MARK3: variants seen among roughly 807,000 people sequenced by gnomAD.
MARK3 encodes microtubule affinity regulating kinase 3.
Under a neutral mutation model 90.1 loss-of-function variants are expected in MARK3, and 46 were observed. That is an observed-to-expected ratio of 0.51 (90% CI 0.40 to 0.65). MARK3 has a LOEUF of 0.65. MARK3 is among the 30% of genes least tolerant of loss of function. The pLI, the probability that MARK3 is intolerant of heterozygous loss-of-function variation, is 0.00. For synonymous variants in MARK3, 321 were observed against 332.6 expected (o/e 0.97, Z 0.38); for missense variants, 818 against 947.2 (o/e 0.86, Z 1.79).
At chr14:103,429,302 G>A (rs890881032) in intron 3 of MARK3, 4 of 152,178 alleles carry the variant, frequency 2.6e-5, no homozygotes, top group African/African-American at 9.7e-5. Flanking sequence ...CCTTGAGCAA[G>A]GCACTTAACT....
At chr14:103,479,194 CTGTT>C (rs904222565) in intron 13 of MARK3, among the ~76,000 whole-genome samples, 1 of 151,820 alleles carries the variant, frequency 6.6e-6, no homozygotes, top group Non-Finnish European at 1.5e-5. Flanking sequence ...CTTATTTTTT[CTGTT>C]TGTTTGTTGT....
chr14:103,414,283 G>A (rs997356265), intron 2 of MARK3, among the ~76,000 whole-genome samples: 8 of 149,664 alleles, frequency 5.3e-5, no homozygotes, highest in South Asian at 2.1e-4. Context: ...TCAGCTCACC[G>A]CAACCTCCAC....
intron 17 of MARK3, among the ~76,000 whole-genome samples, chr14:103,501,719 C>T (rs950361182): frequency 6.6e-6 from 1 of 152,064 alleles, no homozygotes; most frequent in Non-Finnish European, 1.5e-5. Context: ...AGATGGCCAG[C>T]CTTTCCTGTG....
chr14:103,450,918 A>ATT (rs1566866017), intron 4 of MARK3, among the ~76,000 whole-genome samples: 2 of 29,718 alleles, frequency 6.7e-5, no homozygotes, highest in Non-Finnish European at 1.4e-4. Context: ...GTGTGTGTGT[A>ATT]TTCTTTTTTT....
chr14:103,459,694 G>A (rs1343548605), intron 6 of MARK3, among the ~76,000 whole-genome samples: 2 of 148,480 alleles, frequency 1.3e-5, no homozygotes, highest in African/African-American at 2.5e-5. Flanking sequence ...TGTAATTTTA[G>A]TAGAGACAAG....
intron 9 of MARK3, 72 bp downstream of exon 9, chr14:103,466,163 T>C (rs1328214085): frequency 1.3e-6 from 2 of 1,551,916 alleles, no homozygotes; most frequent in South Asian, 2.4e-5. Context: ...TTGCTTGATT[T>C]GTATGCCATA....
intron 14 of MARK3, among the ~76,000 whole-genome samples, chr14:103,487,316 T>C (rs1022638749): frequency 2.0e-5 from 3 of 151,596 alleles, no homozygotes; most frequent in Non-Finnish European, 4.4e-5. Flanking sequence ...GACGAAACCC[T>C]ATCTCTACAA....
At chr14:103,397,325 C>CT (rs1555369857) in intron 1 of MARK3, among the ~76,000 whole-genome samples, 80 of 131,140 alleles carry the variant, frequency 6.1e-4, no homozygotes, top group Admixed American at 1.2e-3. Flanking sequence ...ACTGAATAAA[C>CT]ATTTTTTTTT....
In MARK3 at chr14:103,460,073, C is replaced by CTTTTTTTTTTTTT. The variant is rs571611660; in HGVS notation, c.484-2313_484-2301dup. Among the ~76,000 whole-genome samples the CTTTTTTTTTTTTT allele has an allele frequency of 2.2e-3, 91 of 41,720 alleles. 22 individuals carry two copies. The highest frequency in any genetic ancestry group is 7.9e-3 in the South Asian group (4 of 504). The allele number at this position is 41,720 out of a possible 152,430, so 27.4% of individuals were successfully genotyped here. The stretch of plus-strand genomic sequence containing the variant: ...AAAAAGAATAGATTTCCAGCTCCAT[C>CTTTTTTTTTTTTT]TTTTTTTTTTTTTTTTTTTTTTTTT... On this transcript the variant is annotated intron_variant, in intron 6 of 17. Coordinates refer to ENST00000429436, the MANE Select transcript of MARK3 (RefSeq NM_001128918.3).
intron 1 of MARK3, among the ~76,000 whole-genome samples, chr14:103,398,142 A>G (rs1234474321): frequency 1.3e-5 from 2 of 151,950 alleles, no homozygotes; most frequent in African/African-American, 4.8e-5. Context: ...ATTTTCTCCA[A>G]CTCTGTCACC....
At chr14:103,501,566 T>C (rs2075666964) in intron 17 of MARK3, among the ~76,000 whole-genome samples, 3 of 152,196 alleles carry the variant, frequency 2.0e-5, no homozygotes, top group Admixed American at 2.0e-4. Context: ...CCTATCTTCA[T>C]TGCATTTTGT....
intron 2 of MARK3, among the ~76,000 whole-genome samples, chr14:103,426,915 A>T (rs917444830): frequency 2.6e-4 from 40 of 151,184 alleles, no homozygotes; most frequent in East Asian, 9.7e-4. Context: ...AAAAATTTTT[A>T]AAGTTTTCAG....
At chr14:103,464,151 T>C (rs2093456788) in intron 7 of MARK3, among the ~76,000 whole-genome samples, 1 of 152,204 alleles carries the variant, frequency 6.6e-6, no homozygotes. Context: ...TCATTCTCCT[T>C]CTTCCCTTCT....
At chr14:103,494,976 T>G (rs1452439510) in intron 15 of MARK3, among the ~76,000 whole-genome samples, 1 of 152,326 alleles carries the variant, frequency 6.6e-6, no homozygotes, top group East Asian at 1.9e-4. Context: ...TTTATACATA[T>G]AAATATGTAT....
At chr14:103,494,565 A>AAAG (rs2075226331) in intron 15 of MARK3, among the ~76,000 whole-genome samples, 1 of 140,514 alleles carries the variant, frequency 7.1e-6, no homozygotes, top group Non-Finnish European at 1.6e-5. Context: ...AAAAAAAAAA[A>AAAG]GACTAGCATT....
rs553019979 is a variant in MARK3, at chr14:103,498,508, G to A, written c.1851G>A (p.Met617Ile). The A allele has an allele frequency of 3.9e-5, 50 of 1,287,570 alleles. No homozygotes were observed. In the South Asian group the frequency reaches 8.1e-4, roughly 21 times the overall value. The allele number at this position is 1,287,570 out of a possible 1,614,324, so 79.8% of individuals were successfully genotyped here. ...KLTSKLTRRN[M>I]SFRFIKRLPT... ...TTTACTTAATTTCTTTTAGAAACAT[G>A]TCATTCAGGTTTATCAAAAGGTAGG... Residue 617 changes from methionine (M) to isoleucine (I), a missense_variant, in exon 16 of 18, where the codon ATG becomes ATA. This residue lies in a region of MARK3 where 560 missense variants were observed against 613.5 expected (regional missense o/e 0.91). Transcript: ENST00000429436.
chr14:103,445,646 GGT>G (rs1475328055), intron 3 of MARK3, among the ~76,000 whole-genome samples: 1 of 152,080 alleles, frequency 6.6e-6, no homozygotes, highest in Non-Finnish European at 1.5e-5. Flanking sequence ...ATTTTAATAT[GGT>G]GTCTGCAGAA....
intron 15 of MARK3, among the ~76,000 whole-genome samples, chr14:103,496,288 G>T (rs2075335024): frequency 6.6e-6 from 1 of 152,140 alleles, no homozygotes; most frequent in African/African-American, 2.4e-5. Flanking sequence ...TCCGGTGGAA[G>T]ATTAGGAAAT....
chr14:103,483,688 C>T (rs2093868787), intron 14 of MARK3, among the ~76,000 whole-genome samples: 2 of 152,190 alleles, frequency 1.3e-5, no homozygotes, highest in African/African-American at 4.8e-5. Context: ...TTTTCTGAGA[C>T]TAGTTTTAAA....
Sources: gnomAD v4.1 joint callset for allele counts (sites outside exome capture counted in the v4.1 genomes callset) on GRCh38, gnomAD v4.1.1 for gene constraint, gnomAD v4.1.1 regional missense constraint, MANE v1.5 for transcripts, NCBI Gene and HGNC (gene_info 2026-07-23, HGNC 2026-07-21) for gene names.